Variants in LEPR observed in about 807,000 individuals in gnomAD.
The protein encoded by LEPR is OB receptor.
A neutral mutation model predicts 114.7 loss-of-function variants in LEPR; 56 were observed. That is an observed-to-expected ratio of 0.49 (90% confidence interval 0.39 to 0.61). The LOEUF is 0.61. LEPR is among the 20% of genes least tolerant of loss of function. The pLI is 0.00. For missense variants in LEPR, 1,202 were observed against 1,352.9 expected (o/e 0.89, Z 1.75); for synonymous variants, 443 against 461.4 (o/e 0.96, Z 0.51).
chr1:65,447,954 A>G (rs546211441), intron 2 of LEPR, among the ~76,000 whole-genome samples: 39 of 152,220 alleles, frequency 2.6e-4, no homozygotes, highest in Non-Finnish European at 3.5e-4. Flanking sequence ...ATGAACAACT[A>G]TGTCTTCTGT....
intron 2 of LEPR, among the ~76,000 whole-genome samples, chr1:65,507,154 G>A (rs1175273399): frequency 6.6e-6 from 1 of 151,928 alleles, no homozygotes; most frequent in Non-Finnish European, 1.5e-5. Flanking sequence ...GGGTTCAAAC[G>A]ATCCTCCTGC....
intron 2 of LEPR, chr1:65,525,880 G>T: frequency 1.0e-6 from 1 of 969,874 alleles, no homozygotes; most frequent in Non-Finnish European, 1.2e-6. Context: ...TGGGTAACTC[G>T]AGAATGGGGC....
chr1:65,455,364 G>C (rs971158690), intron 2 of LEPR, among the ~76,000 whole-genome samples: 1 of 152,192 alleles, frequency 6.6e-6, no homozygotes, highest in Non-Finnish European at 1.5e-5. Flanking sequence ...GTGCTCTGCT[G>C]TTTAGAGTTC....
intron 11 of LEPR, 106 bp downstream of exon 11, chr1:65,605,343 A>G (rs1656742572): frequency 7.1e-7 from 1 of 1,400,802 alleles, no homozygotes; most frequent in Non-Finnish European, 1.0e-6. Flanking sequence ...TTAGATTTTG[A>G]AAAAAAAATT....
intron 5 of LEPR, among the ~76,000 whole-genome samples, chr1:65,582,197 G>A (rs2105462): frequency 0.3 from 44,953 of 152,088 alleles, 7,572 homozygotes; most frequent in East Asian, 0.83. Flanking sequence ...GCTTAAAACA[G>A]TAATCATTTA....
Position 65,584,850 on chromosome 1 carries a change from C to A in LEPR, c.495-7807C>A, listed in dbSNP as rs116424768. Among the ~76,000 whole-genome samples the A allele has an allele frequency of 8.3e-3, 1,261 of 152,096 alleles. 10 individuals carry two copies. Among genetic ancestry groups the A allele is most frequent in the Non-Finnish European group, 0.012 (841 of 67,916 alleles). On this transcript the variant is annotated intron_variant, in intron 5 of 19. Coordinates refer to ENST00000349533, the MANE Select transcript of LEPR (RefSeq NM_002303.6). Reference sequence around the variant, plus strand: ...CATTCTTCTTTTTTTCCCACTTTCTCTTCTCTTTGTTGATTTTCCATTTAT... The same window carrying A: ...CATTCTTCTTTTTTTCCCACTTTCTATTCTCTTTGTTGATTTTCCATTTAT...
intron 2 of LEPR, among the ~76,000 whole-genome samples, chr1:65,439,336 A>G (rs910792188): frequency 5.3e-5 from 8 of 152,224 alleles, no homozygotes; most frequent in African/African-American, 1.9e-4. Context: ...GGACACCCAT[A>G]TAAATCAATT....
intron 2 of LEPR, chr1:65,525,890 C>T: frequency 1.0e-6 from 1 of 957,806 alleles, no homozygotes; most frequent in Non-Finnish European, 1.2e-6. Flanking sequence ...GAGAATGGGG[C>T]TTTGGGACGC....
chr1:65,439,412 A>G (rs944666762), intron 2 of LEPR, among the ~76,000 whole-genome samples: 14 of 152,352 alleles, frequency 9.2e-5, no homozygotes, highest in Middle Eastern at 6.8e-3. Context: ...GATGTTAAGG[A>G]AAAAATAAAA....
At chr1:65,504,212 G>T (rs1208113341) in intron 2 of LEPR, among the ~76,000 whole-genome samples, 4 of 152,192 alleles carry the variant, frequency 2.6e-5, no homozygotes, top group Non-Finnish European at 5.9e-5. Context: ...TAGGGAACAA[G>T]ATACATCTCC....
At chr1:65,618,225 A>G in intron 16 of LEPR, 79 bp downstream of exon 16, 1 of 1,370,712 alleles carries the variant, frequency 7.3e-7, no homozygotes, top group Non-Finnish European at 1.0e-6. Flanking sequence ...TAATATAGCC[A>G]GTTAATGAAA....
At chr1:65,521,917 T>C (rs573803756) in intron 2 of LEPR, among the ~76,000 whole-genome samples, 7 of 152,072 alleles carry the variant, frequency 4.6e-5, no homozygotes, top group East Asian at 1.9e-4. Context: ...CTGGTCAACA[T>C]TGTGAAACCC....
chr1:65,626,666 A>G (rs11208690), intron 19 of LEPR, among the ~76,000 whole-genome samples: 32,320 of 152,084 alleles, frequency 0.21, 4,614 homozygotes, highest in East Asian at 0.78. Context: ...TTTTTGAGAC[A>G]GGGTCTCGCT....
chr1:65,576,764 T>C (rs1654614460), intron 5 of LEPR: 1 of 208,820 alleles, frequency 4.8e-6, no homozygotes, highest in Non-Finnish European at 1.0e-5. Flanking sequence ...GTTCATGGCA[T>C]CCCGGCCTTC....
At chr1:65,608,924 G>A (rs766965927) in intron 12 of LEPR, 23 bp downstream of exon 12, 1 of 1,612,944 alleles carries the variant, frequency 6.2e-7, no homozygotes, top group South Asian at 1.1e-5. Context: ...TAGAACTTCA[G>A]CTTTCCTCAT....
chr1:65,612,749 T>C (rs1176853252), intron 14 of LEPR, among the ~76,000 whole-genome samples: 2 of 151,964 alleles, frequency 1.3e-5, no homozygotes, highest in Admixed American at 1.3e-4. Context: ...CTCCATCAAA[T>C]GGGTTTTGTC....
At chr1:65,548,769 C>T (rs1278082648) in intron 2 of LEPR, among the ~76,000 whole-genome samples, 1 of 151,678 alleles carries the variant, frequency 6.6e-6, no homozygotes, top group Non-Finnish European at 1.5e-5. Flanking sequence ...TCCAATTTTC[C>T]AGTCTGTGTC....
chr1:65,455,196 C>T (rs1282852590), intron 2 of LEPR, among the ~76,000 whole-genome samples: 1 of 152,086 alleles, frequency 6.6e-6, no homozygotes, highest in Non-Finnish European at 1.5e-5. Context: ...AAACTTTTTT[C>T]AAAGTTTTCA....
intron 2 of LEPR, among the ~76,000 whole-genome samples, chr1:65,449,699 A>T (rs544116808): frequency 4.9e-4 from 73 of 148,066 alleles, no homozygotes; most frequent in African/African-American, 1.6e-3. Context: ...TTTTTTTTTT[A>T]AATAGCTTTT....
Sources: allele counts gnomAD v4.1 joint callset (sites outside exome capture counted in the v4.1 genomes callset), GRCh38; gene constraint gnomAD v4.1.1; transcripts MANE v1.5; gene names NCBI Gene and HGNC (gene_info 2026-07-23, HGNC 2026-07-21).